SLC9A3: variants seen among roughly 807,000 people sequenced by gnomAD.
The protein encoded by SLC9A3 is solute carrier family 9 member A3.
Under a neutral mutation model 86.8 loss-of-function variants are expected in SLC9A3, and 37 were observed. The ratio of observed to expected loss-of-function variants is 0.43; its 90% CI spans 0.33 to 0.56. The LOEUF is 0.56. Ranked by LOEUF, SLC9A3 falls within the 20% of genes least tolerant of loss-of-function variation. The probability of loss-of-function intolerance (pLI) is 0.06; values close to 1 mark genes in which losing one functional copy is unlikely to be tolerated. For missense variants in SLC9A3, 1,011 were observed against 1,171.9 expected, an observed-to-expected ratio of 0.86 and a Z score of 2.00; for synonymous variants, 581 against 528.3, an observed-to-expected ratio of 1.10 and a Z score of -1.37.
chr5:521,394 G>C (rs531092437), intron 1 of SLC9A3, among the ~76,000 whole-genome samples: 4 of 152,342 alleles, frequency 2.6e-5, no homozygotes, highest in African/African-American at 9.6e-5. Flanking sequence ...AATCTCCTGG[G>C]ATCAACATTG....
chr5:515,179 G>A (rs1733690550), intron 1 of SLC9A3, among the ~76,000 whole-genome samples: 1 of 151,952 alleles, frequency 6.6e-6, no homozygotes, highest in African/African-American at 2.4e-5. Flanking sequence ...CAGAGTCCAT[G>A]CCATCAGCCT....
At chr5:510,426 G>A (rs1222744387) in intron 1 of SLC9A3, among the ~76,000 whole-genome samples, 1 of 152,224 alleles carries the variant, frequency 6.6e-6, no homozygotes, top group African/African-American at 2.4e-5. Context: ...GAGCCCAGGG[G>A]TGGAGACCTC....
intron 11 of SLC9A3, 28 bp downstream of exon 11, chr5:477,304 G>A: frequency 6.7e-7 from 1 of 1,494,388 alleles, no homozygotes; most frequent in Non-Finnish European, 9.2e-7. Flanking sequence ...CTCTTCCCCA[G>A]GGAAGCTGCA....
Position 496,208 on chromosome 5 carries a change from CGCCTTTCCCATGTGCGGTGGCGTCCGAGG to C in SLC9A3, c.212-4166_212-4138del, listed in dbSNP as rs553120755. 2.5e-4 allele frequency among the ~76,000 whole-genome samples: 38 copies of C among 152,356 alleles called. 1 individual carries two copies. In the East Asian group the frequency reaches 7.3e-3, roughly 29 times the overall value. ...CCGGGGTTGGAAAGGGTGTTGGACA[CGCCTTTCCCATGTGCGGTGGCGTCCGAGG>C]GCAGCTCCTGCAGTCTTCAGGGTGT... On this transcript the variant is annotated intron_variant, in intron 1 of 16. Coordinates refer to ENST00000264938, the MANE Select transcript of SLC9A3 (RefSeq NM_004174.4). The surrounding 1 kb of genome is among the most constrained non-coding windows in gnomAD (Gnocchi z 4.7).
At chr5:508,590 T>C (rs1394368963) in intron 1 of SLC9A3, among the ~76,000 whole-genome samples, 3 of 131,720 alleles carry the variant, frequency 2.3e-5, no homozygotes, top group African/African-American at 8.9e-5. Flanking sequence ...GGGATGGAGA[T>C]GCCGCAGGGA....
rs1738707396 is a variant in SLC9A3, at chr5:476,069, C to A, written c.2091G>T (p.Gly697=). 6.2e-7 allele frequency: 1 copy of A among 1,613,288 alleles called. No individual in the cohort carries two copies. Among genetic ancestry groups the A allele is most frequent in the Non-Finnish European group, 8.5e-7 (1 of 1,179,878 alleles). ...QKRRNSSIPN[G]KLPMESPAQN... ...GCGCAGGGCTCTCCATGGGCAGCTT[C>A]CCATTGGGGATGCTGCTGTTTCTCT... The change falls in exon 14 of 17, where the codon GGG becomes GGT. Residue 697 remains glycine (G), a synonymous_variant. Transcript: ENST00000264938.
chr5:492,946 G>A (rs931263829), intron 1 of SLC9A3, among the ~76,000 whole-genome samples: 7 of 152,274 alleles, frequency 4.6e-5, no homozygotes, highest in South Asian at 4.1e-4. Flanking sequence ...CACTCCGCAC[G>A]GGTGAGCTTA....
chr5:473,157 G>T lies in SLC9A3; in HGVS notation c.*222C>A. On this transcript the variant is annotated 3_prime_UTR_variant, in exon 17 of 17. Transcript: ENST00000264938. ...CCCTCGGCGCTCCGGCCCCGCCCCC[G>T]GCGCAGGCCCCGCCCCCGGCTCGCC... 1 of 391,630 alleles carries T rather than the reference G, an allele frequency of 2.6e-6. No homozygotes were observed. Among genetic ancestry groups the T allele is most frequent in the Non-Finnish European group, 4.1e-6 (1 of 243,772 alleles). 24.3% of individuals were successfully genotyped at this position (391,630 alleles called of 1,614,324 possible). A position where few individuals can be genotyped will look rare whatever the true frequency, so the allele number is the denominator to read the frequency against.
chr5:511,182 C>A (rs1740854536), intron 1 of SLC9A3, among the ~76,000 whole-genome samples: 1 of 152,150 alleles, frequency 6.6e-6, no homozygotes, highest in South Asian at 2.1e-4. Context: ...GATGGCAAGG[C>A]CGGCATTTAA....
intron 3 of SLC9A3, among the ~76,000 whole-genome samples, 196 bp from the exon 4 acceptor site, chr5:485,427 A>G (rs1338592196): frequency 2.0e-5 from 3 of 152,260 alleles, no homozygotes; most frequent in Non-Finnish European, 4.4e-5. Context: ...ATGGGGCAAA[A>G]GAATGTTCTG....
In SLC9A3 at chr5:494,698, C is replaced by T. The variant is rs888975215; in HGVS notation, c.212-2627G>A. 2.1e-4 allele frequency among the ~76,000 whole-genome samples: 32 copies of T among 152,204 alleles called. 1 individual carries two copies. The highest frequency in any genetic ancestry group is 1.4e-4 in the African/African-American group (6 of 41,448). On this transcript the variant is annotated intron_variant, in intron 1 of 16. Coordinates refer to ENST00000264938, the MANE Select transcript of SLC9A3 (RefSeq NM_004174.4). ...CAGGGTGGTCTGTGCCCGGTGCCGG[C>T]GCCTGCCCACCCGCAGGCTGACCCG... is the stretch of plus-strand genomic sequence containing the variant.
At position 482,065 on chromosome 5, in the gene SLC9A3, T is replaced by C. The variant is rs1408406996; in HGVS notation, c.1446+3A>G. 11 of 1,182,664 alleles carry C rather than the reference T, an allele frequency of 9.3e-6. No individual in the cohort carries two copies. The highest frequency in any genetic ancestry group is 1.3e-5 in the Non-Finnish European group (11 of 815,756). The allele number at this position is 1,182,664 out of a possible 1,614,324, so 73.3% of individuals were successfully genotyped here. A position where few individuals can be genotyped will look rare whatever the true frequency, so the allele number is the denominator to read the frequency against. On this transcript the variant is annotated splice_donor_region_variant and intron_variant, in intron 8 of 16. Coordinates refer to ENST00000264938, the MANE Select transcript of SLC9A3 (RefSeq NM_004174.4). Reference sequence around the variant, plus strand: ...CCCCCCCGCCCCCCAGCCCCGCACTTACGCGCCCGTGCAGCTTCTCGTTGA... The same window carrying C: ...CCCCCCCGCCCCCCAGCCCCGCACTCACGCGCCCGTGCAGCTTCTCGTTGA...
rs534158745 is a variant in SLC9A3, at chr5:497,408, G to A, written c.212-5337C>T. ...CTTGACAGCTGGCGTCCACCCTCGA[G>A]CATTTGCGAATGTCAGGCTGACACC... On this transcript the variant is annotated intron_variant, in intron 1 of 16. Transcript: ENST00000264938. This position sits in a 1 kb window ranked among gnomAD's most constrained non-coding sequence, Gnocchi z 5.4. Among the ~76,000 whole-genome samples, 1 of 152,178 alleles carries A rather than the reference G, an allele frequency of 6.6e-6. No individual in the cohort carries two copies. Among genetic ancestry groups the A allele is most frequent in the Non-Finnish European group, 1.5e-5 (1 of 68,048 alleles).
intron 1 of SLC9A3, among the ~76,000 whole-genome samples, chr5:510,747 C>T (rs1047962236): frequency 5.3e-5 from 8 of 151,860 alleles, no homozygotes; most frequent in East Asian, 1.9e-4. Flanking sequence ...GGGAATCCTG[C>T]GGGGGGAAGG....
Position 472,063 on chromosome 5 carries a change from A to T in SLC9A3, c.*1316T>A, listed in dbSNP as rs1407850789. 1 of 452,318 alleles carries T rather than the reference A, an allele frequency of 2.2e-6. No individual in the cohort carries two copies. Among genetic ancestry groups the T allele is most frequent in the Non-Finnish European group, 4.5e-6 (1 of 224,318 alleles). 28.0% of individuals were successfully genotyped at this position (452,318 alleles called of 1,614,324 possible). On this transcript the variant is annotated 3_prime_UTR_variant, in exon 17 of 17. Coordinates refer to ENST00000264938, the MANE Select transcript of SLC9A3 (RefSeq NM_004174.4). ...TCCACCTCCACCACTTCCACCGTGCAGGCAGGTTTCAGGTGGGTTGGACCC... is the reference window on the plus strand; with the variant it reads ...TCCACCTCCACCACTTCCACCGTGCTGGCAGGTTTCAGGTGGGTTGGACCC...
At chr5:485,919 A>G (rs1739440581) in intron 3 of SLC9A3, among the ~76,000 whole-genome samples, 1 of 152,002 alleles carries the variant, frequency 6.6e-6, no homozygotes, top group African/African-American at 2.4e-5. Context: ...TTTTAATGAA[A>G]ATCCAGCTGG....
At chr5:521,475 C>A (rs930725935) in intron 1 of SLC9A3, among the ~76,000 whole-genome samples, 1 of 152,228 alleles carries the variant, frequency 6.6e-6, no homozygotes, top group Non-Finnish European at 1.5e-5. Context: ...AAGGCTGGGG[C>A]TGTGAGTTAG....
intron 1 of SLC9A3, among the ~76,000 whole-genome samples, chr5:517,667 CATCT>C (rs1468887771): frequency 6.6e-6 from 1 of 151,638 alleles, no homozygotes; most frequent in East Asian, 1.9e-4. Context: ...TTCATTCATC[CATCT>C]ATCCATCCAT....
intron 16 of SLC9A3, among the ~76,000 whole-genome samples, chr5:474,134 AGCGC>A (rs1738563510): frequency 7.5e-6 from 1 of 132,952 alleles, no homozygotes; most frequent in Non-Finnish European, 1.6e-5. Flanking sequence ...AGAGAGAGCG[AGCGC>A]GCGAGGCGGA....
Sources: allele counts gnomAD v4.1 joint callset (sites outside exome capture counted in the v4.1 genomes callset), GRCh38; gene constraint gnomAD v4.1.1; non-coding constraint Gnocchi (gnomAD v3.1); transcripts MANE v1.5; gene names NCBI Gene and HGNC (gene_info 2026-07-23, HGNC 2026-07-21).